The following LRGUK variants were observed in gnomAD, a reference collection of about 807,000 sequenced individuals.
LRGUK encodes leucine rich repeats and guanylate kinase domain containing.
Under a neutral mutation model 76.0 loss-of-function variants are expected in LRGUK, and 65 were observed. The observed-to-expected ratio is 0.85, with a 90% confidence interval of 0.70 to 1.05. The LOEUF is 1.05. LRGUK is among the 50% of genes least tolerant of loss of function. The pLI is 0.00. For synonymous variants in LRGUK, 268 were observed against 265.6 expected (o/e 1.01, Z -0.09); for missense variants, 758 against 732.8 (o/e 1.03, Z -0.40).
exon 9 of LRGUK, chr7:134,176,990 A>G: frequency 6.3e-7 from 1 of 1,596,224 alleles, no homozygotes; most frequent in African/African-American, 1.3e-5. Context: ...AAGTCTGAAT[A>G]TTGGTTCTTC....
chr7:134,167,076 G>C (rs1210498953), intron 7 of LRGUK, among the ~76,000 whole-genome samples: 1 of 152,202 alleles, frequency 6.6e-6, no homozygotes. Flanking sequence ...ATGCTCGCGT[G>C]ATCAGATCTC....
intron 4 of LRGUK, among the ~76,000 whole-genome samples, chr7:134,143,404 T>C (rs1368043271): frequency 1.3e-5 from 2 of 152,166 alleles, no homozygotes; most frequent in Admixed American, 6.5e-5. Context: ...ACCAACGAAC[T>C]TTCCTCTGGT....
At chr7:134,199,252 G>A in exon 14 of LRGUK, 3 of 1,613,774 alleles carry the variant, frequency 1.9e-6, no homozygotes, top group Non-Finnish European at 2.5e-6. Flanking sequence ...CCTATTTTGA[G>A]CCTCGTTATA....
intron 5 of LRGUK, among the ~76,000 whole-genome samples, chr7:134,153,527 A>G (rs1316841580): frequency 5.3e-5 from 8 of 152,162 alleles, no homozygotes; most frequent in Non-Finnish European, 7.4e-5. Context: ...AAATTCATAG[A>G]AATTTAATTC....
At chr7:134,203,139 G>A (rs769850515) in intron 15 of LRGUK, among the ~76,000 whole-genome samples, 4 of 152,030 alleles carry the variant, frequency 2.6e-5, no homozygotes, top group Non-Finnish European at 4.4e-5. Context: ...AGAGTAGGAG[G>A]TTGCAGCAAG....
chr7:134,179,473 A>G (rs949364328), intron 10 of LRGUK, among the ~76,000 whole-genome samples: 19 of 152,150 alleles, frequency 1.2e-4, no homozygotes, highest in African/African-American at 4.6e-4. Context: ...AACCCAGGAC[A>G]TGATTTTTAC....
chr7:134,143,231 C>T, intron 4 of LRGUK, 69 bp downstream of exon 4: 1 of 849,056 alleles, frequency 1.2e-6, no homozygotes, highest in Non-Finnish European at 2.0e-6. Context: ...AGCAAAATAG[C>T]ACTCAAATAG....
chr7:134,207,577 A>G (rs1585556590), intron 15 of LRGUK, among the ~76,000 whole-genome samples: 1 of 152,232 alleles, frequency 6.6e-6, no homozygotes, highest in East Asian at 1.9e-4. Context: ...TGGGATGCAA[A>G]GGGTGCGTGT....
At chr7:134,133,570 T>G (rs952695185) in intron 1 of LRGUK, among the ~76,000 whole-genome samples, 15 of 152,198 alleles carry the variant, frequency 9.9e-5, no homozygotes, top group Non-Finnish European at 1.5e-5. Flanking sequence ...CCATGTCTTA[T>G]CCATTGAGCC....
intron 16 of LRGUK, among the ~76,000 whole-genome samples, chr7:134,230,125 G>T (rs570197005): frequency 1.3e-5 from 2 of 151,962 alleles, no homozygotes; most frequent in Non-Finnish European, 2.9e-5. Context: ...GATATTTGCC[G>T]TAACTATAAC....
At chr7:134,234,465 G>C (rs1901217) in intron 16 of LRGUK, among the ~76,000 whole-genome samples, 2 of 152,094 alleles carry the variant, frequency 1.3e-5, no homozygotes, top group African/African-American at 4.8e-5. Flanking sequence ...CTCCAAAGTC[G>C]TCCTTTGATT....
At chr7:134,218,774 A>T (rs1801502702) in intron 15 of LRGUK, among the ~76,000 whole-genome samples, 1 of 152,134 alleles carries the variant, frequency 6.6e-6, no homozygotes, top group African/African-American at 2.4e-5. Flanking sequence ...ATTGTTTTAA[A>T]ATGTTTTATA....
chr7:134,199,634 A>G (rs1324998913), intron 14 of LRGUK, among the ~76,000 whole-genome samples: 1 of 152,110 alleles, frequency 6.6e-6, no homozygotes, highest in Non-Finnish European at 1.5e-5. Context: ...TGTAGCTAAT[A>G]AGATTTGGTG....
At chr7:134,180,954 G>T (rs1210631878) in intron 10 of LRGUK, among the ~76,000 whole-genome samples, 3 of 152,058 alleles carry the variant, frequency 2.0e-5, no homozygotes, top group African/African-American at 4.8e-5. Flanking sequence ...CTATGAATTT[G>T]CCTATTCTAT....
intron 1 of LRGUK, among the ~76,000 whole-genome samples, chr7:134,129,096 CCCTTCCTTCCTG>C (rs900670627): frequency 6.7e-6 from 1 of 149,166 alleles, no homozygotes; most frequent in Non-Finnish European, 1.5e-5. Context: ...CTTCCTTCCT[CCCTTCCTTCCTG>C]CCTTCCCCTC....
chr7:134,270,194 A>G, the LRGUK span, among the ~76,000 whole-genome samples: 1 of 152,222 alleles, frequency 6.6e-6, no homozygotes. Context: ...CAAGAAATCT[A>G]GAAAACTCTT....
intron 1 of LRGUK, among the ~76,000 whole-genome samples, chr7:134,132,076 A>G (rs1458292569): frequency 2.0e-5 from 3 of 152,234 alleles, no homozygotes; most frequent in Non-Finnish European, 2.9e-5. Context: ...GACAGGGTGC[A>G]GTGGCTCACG....
intron 15 of LRGUK, among the ~76,000 whole-genome samples, chr7:134,203,703 A>C (rs1800882617): frequency 6.6e-6 from 1 of 152,162 alleles, no homozygotes. Flanking sequence ...CTCAGTCTAC[A>C]AAGTGGGGAT....
At chr7:134,204,848 G>A (rs1421233508) in intron 15 of LRGUK, among the ~76,000 whole-genome samples, 2 of 152,214 alleles carry the variant, frequency 1.3e-5, no homozygotes, top group Non-Finnish European at 2.9e-5. Flanking sequence ...TACAGGTTCA[G>A]TGCACAAGAG....
Sources: gnomAD v4.1 joint callset for allele counts (sites outside exome capture counted in the v4.1 genomes callset) on GRCh38, gnomAD v4.1.1 for gene constraint, MANE v1.5 for transcripts, NCBI Gene and HGNC (gene_info 2026-07-23, HGNC 2026-07-21) for gene names.